The following STPG2 variants were observed in gnomAD, a reference collection of about 807,000 sequenced individuals.
The protein encoded by STPG2 is sperm-tail PG-rich repeat-containing protein 2.
A neutral mutation model predicts 54.2 loss-of-function variants in STPG2; 56 were observed. That is an observed-to-expected ratio of 1.03 (90% confidence interval 0.83 to 1.29). The LOEUF (loss-of-function observed/expected upper bound fraction) is 1.29. Among genes scored for constraint, STPG2 ranks in the 50% most tolerant of loss-of-function variants. The pLI is 0.00. For synonymous variants in STPG2, 200 were observed against 181.8 expected (o/e 1.10, Z -0.81); for missense variants, 596 against 544.9 (o/e 1.09, Z -0.93).
At chr4:97,732,896 T>C (rs541857953) in intron 9 of STPG2, among the ~76,000 whole-genome samples, 37 of 152,192 alleles carry the variant, frequency 2.4e-4, no homozygotes, top group Non-Finnish European at 3.4e-4. Flanking sequence ...ACTACTTTAC[T>C]CCTGTAAGAA....
chr4:98,098,309 A>G (rs1738921643), intron 5 of STPG2, among the ~76,000 whole-genome samples: 1 of 152,112 alleles, frequency 6.6e-6, no homozygotes, highest in African/African-American at 2.4e-5. Flanking sequence ...AACCCGGAAA[A>G]AAAACCCACA....
chr4:97,600,016 T>G (rs974729841), intron 10 of STPG2, among the ~76,000 whole-genome samples: 3 of 152,044 alleles, frequency 2.0e-5, no homozygotes, highest in Non-Finnish European at 4.4e-5. Flanking sequence ...ATGTCCTCAC[T>G]TATAAATGGA....
At chr4:97,500,787 T>C (rs148522504) in intron 4 of STPG2, among the ~76,000 whole-genome samples, 3 of 151,900 alleles carry the variant, frequency 2.0e-5, no homozygotes, top group Non-Finnish European at 4.4e-5. Flanking sequence ...AGCCACACGG[T>C]GATTACTGTT....
intron 8 of STPG2, among the ~76,000 whole-genome samples, chr4:97,882,013 G>A (rs1730392632): frequency 6.6e-6 from 1 of 151,996 alleles, no homozygotes; most frequent in South Asian, 2.1e-4. Context: ...TGAAAGGCAG[G>A]TGCCCCCCTC....
chr4:97,838,234 G>T (rs75929756), intron 9 of STPG2, among the ~76,000 whole-genome samples: 1 of 151,010 alleles, frequency 6.6e-6, no homozygotes, highest in African/African-American at 2.4e-5. Flanking sequence ...GAAATAATAG[G>T]GTAAAGAAAC....
chr4:97,552,975 T>G (rs1489374065), intron 4 of STPG2, among the ~76,000 whole-genome samples: 1 of 152,168 alleles, frequency 6.6e-6, no homozygotes, highest in Non-Finnish European at 1.5e-5. Flanking sequence ...ACTTAATCAC[T>G]TTCTATTAGA....
intron 5 of STPG2, among the ~76,000 whole-genome samples, chr4:98,060,731 G>A (rs10011122): frequency 0.39 from 59,921 of 151,858 alleles, 12,057 homozygotes; most frequent in Middle Eastern, 0.46. Flanking sequence ...TAGACCAATG[G>A]AACAGAATAG....
chr4:97,582,398 A>C (rs368775063), intron 10 of STPG2, among the ~76,000 whole-genome samples: 1 of 152,092 alleles, frequency 6.6e-6, no homozygotes, highest in Non-Finnish European at 1.5e-5. Flanking sequence ...CATGGCAAGC[A>C]ATAGTGAATG....
Position 98,128,524 on chromosome 4 carries a change from T to C in STPG2, c.291A>G (p.Ser97=). ...CATCATCATTAATATGATAACCATATGACTTTCCACAAGAAGGAATTGAAG... is the reference window on the plus strand; with the variant it reads ...CATCATCATTAATATGATAACCATACGACTTTCCACAAGAAGGAATTGAAG... The part of the protein sequence containing the change: ...DVPSIPSCGK[S]YGYHINDDGS... Residue 97 remains serine, a synonymous_variant, in exon 3 of 11, where the codon TCA becomes TCG. Transcript: ENST00000295268. The C allele has an allele frequency of 6.2e-7, 1 of 1,613,296 alleles. No homozygotes were observed. The highest frequency in any genetic ancestry group is 8.5e-7 in the Non-Finnish European group (1 of 1,179,746).
At chr4:98,094,690 G>T (rs1738793847) in intron 5 of STPG2, among the ~76,000 whole-genome samples, 1 of 152,188 alleles carries the variant, frequency 6.6e-6, no homozygotes, top group Non-Finnish European at 1.5e-5. Flanking sequence ...GTGAACATTG[G>T]CAGTGGCCTA....
intron 5 of STPG2, among the ~76,000 whole-genome samples, chr4:98,087,966 T>C (rs1366662993): frequency 6.6e-6 from 1 of 152,202 alleles, no homozygotes; most frequent in East Asian, 1.9e-4. Context: ...GACATGGGAA[T>C]AGACCATAAT....
At chr4:98,104,947 T>C (rs767118833) in intron 5 of STPG2, among the ~76,000 whole-genome samples, 18 of 152,150 alleles carry the variant, frequency 1.2e-4, no homozygotes, top group Non-Finnish European at 2.2e-4. Flanking sequence ...CCTAACTTAA[T>C]AGGCAGACAA....
At chr4:97,749,805 A>C (rs1725529779) in intron 9 of STPG2, among the ~76,000 whole-genome samples, 1 of 151,728 alleles carries the variant, frequency 6.6e-6, no homozygotes, top group African/African-American at 2.4e-5. Flanking sequence ...AGAAGAGCCT[A>C]ATTCTGATGT....
intron 8 of STPG2, among the ~76,000 whole-genome samples, chr4:97,850,358 G>T (rs144691902): frequency 0.011 from 1,625 of 149,572 alleles, 8 homozygotes; most frequent in Non-Finnish European, 0.018. Flanking sequence ...CTAAGACAAA[G>T]AGCAAAAAAA....
intron 4 of STPG2, among the ~76,000 whole-genome samples, chr4:97,470,765 A>AATGAG (rs926005502): frequency 2.0e-5 from 3 of 152,142 alleles, no homozygotes; most frequent in Admixed American, 1.3e-4. Context: ...GATAAAATGC[A>AATGAG]ATGAGATGAG....
intron 10 of STPG2, among the ~76,000 whole-genome samples, chr4:97,687,004 G>C (rs879276052): frequency 5.3e-5 from 8 of 150,612 alleles, no homozygotes; most frequent in Admixed American, 4.6e-4. Context: ...GCAGTGGCGC[G>C]ATCTGGGCTC....
chr4:97,803,540 C>G (rs1305323959), intron 9 of STPG2, among the ~76,000 whole-genome samples: 1 of 152,044 alleles, frequency 6.6e-6, no homozygotes, highest in Non-Finnish European at 1.5e-5. Flanking sequence ...CAGGAGACTT[C>G]CCAAGTTCTC....
intron 9 of STPG2, among the ~76,000 whole-genome samples, chr4:97,732,306 T>C (rs1724826479): frequency 6.6e-6 from 1 of 152,200 alleles, no homozygotes; most frequent in Non-Finnish European, 1.5e-5. Flanking sequence ...TCCAGAATGC[T>C]TATAGTTTCA....
intron 9 of STPG2, among the ~76,000 whole-genome samples, chr4:97,796,213 C>A (rs1423743710): frequency 2.0e-5 from 3 of 152,172 alleles, no homozygotes; most frequent in African/African-American, 7.2e-5. Context: ...AATTAGATCC[C>A]ATTTGTCAAT....
Sources: allele counts gnomAD v4.1 joint callset (sites outside exome capture counted in the v4.1 genomes callset), GRCh38; gene constraint gnomAD v4.1.1; transcripts MANE v1.5; gene names NCBI Gene and HGNC (gene_info 2026-07-23, HGNC 2026-07-21).